The following ACTR3C variants were observed in gnomAD, a reference collection of about 807,000 sequenced individuals.
ACTR3C encodes actin-related protein 3C.
A neutral mutation model predicts 26.3 loss-of-function variants in ACTR3C; 18 were observed. The observed-to-expected ratio is 0.68, with a 90% CI of 0.47 to 1.01. The LOEUF (loss-of-function observed/expected upper bound fraction) is 1.01, where lower values mean the gene tolerates loss of function less well. ACTR3C is among the 50% of genes least tolerant of loss of function. ACTR3C has a pLI of 0.00. For missense variants in ACTR3C, 184 were observed against 250.7 expected, an observed-to-expected ratio of 0.73 and a Z score of 1.80; for synonymous variants, 55 against 94.5, an observed-to-expected ratio of 0.58 and a Z score of 2.42.
At chr7:150,100,244 C>A in the ACTR3C span, among the ~76,000 whole-genome samples, 1 of 151,550 alleles carries the variant, frequency 6.6e-6, no homozygotes, top group African/African-American at 2.4e-5. Flanking sequence ...TCTGCATCAG[C>A]AACCATATAT....
chr7:150,302,333 T>A (rs1459979505), intron 1 of ACTR3C, among the ~76,000 whole-genome samples: 1 of 152,234 alleles, frequency 6.6e-6, no homozygotes, highest in Non-Finnish European at 1.5e-5. Flanking sequence ...GTGCAGAGAC[T>A]AATAAAATTA....
the ACTR3C span, among the ~76,000 whole-genome samples, chr7:150,057,463 TGGG>T: frequency 1.3e-5 from 2 of 152,050 alleles, no homozygotes; most frequent in Admixed American, 6.5e-5. Flanking sequence ...TATTTTTAGC[TGGG>T]GTAGAGACAG....
the ACTR3C span, among the ~76,000 whole-genome samples, chr7:150,135,426 G>A: frequency 5.3e-5 from 8 of 152,192 alleles, no homozygotes; most frequent in Non-Finnish European, 1.0e-4. Context: ...CATGAGGAGC[G>A]CTGCCTAAGG....
At chr7:150,042,092 C>T in the ACTR3C span, among the ~76,000 whole-genome samples, 7 of 95,004 alleles carry the variant, frequency 7.4e-5, no homozygotes, top group African/African-American at 2.2e-4. Context: ...CAGTCCCTGC[C>T]TCGCGGGGGG....
At chr7:150,199,337 G>C in the ACTR3C span, among the ~76,000 whole-genome samples, 2 of 124,128 alleles carry the variant, frequency 1.6e-5, no homozygotes, top group Non-Finnish European at 3.2e-5. Context: ...AACATGTGCT[G>C]TGTCCACTCA....
chr7:149,940,695 A>G, the ACTR3C span, among the ~76,000 whole-genome samples: 1 of 141,992 alleles, frequency 7.0e-6, no homozygotes, highest in Non-Finnish European at 1.6e-5. Context: ...CCTGCAAAAG[A>G]GATGAGCTCA....
the ACTR3C span, among the ~76,000 whole-genome samples, chr7:150,225,004 A>AGTGTGTGTGTGTGT: frequency 4.0e-4 from 55 of 136,286 alleles, no homozygotes; most frequent in African/African-American, 1.2e-3. Flanking sequence ...CACCCCCATT[A>AGTGTGTGTGTGTGT]GTGTGTGTGT....
chr7:150,163,864 G>C, the ACTR3C span, among the ~76,000 whole-genome samples: 1 of 152,000 alleles, frequency 6.6e-6, no homozygotes, highest in African/African-American at 2.4e-5. Flanking sequence ...ATTGGGGAAG[G>C]CTCTCTGCTT....
the ACTR3C span, chr7:150,074,180 T>C: frequency 6.6e-6 from 1 of 152,246 alleles, no homozygotes; most frequent in Non-Finnish European, 1.5e-5. Context: ...CTTCTCTAGG[T>C]CTCAAGTCTA....
At chr7:149,956,777 AG>A in the ACTR3C span, among the ~76,000 whole-genome samples, 1 of 152,142 alleles carries the variant, frequency 6.6e-6, no homozygotes, top group East Asian at 1.9e-4. Flanking sequence ...AGAGCGATGT[AG>A]GGGCTGGATA....
the ACTR3C span, among the ~76,000 whole-genome samples, chr7:150,111,618 CCACT>C: frequency 9.5e-6 from 1 of 105,578 alleles, no homozygotes; most frequent in Non-Finnish European, 1.9e-5. Flanking sequence ...ACCCACCCAC[CCACT>C]CACAGTCACA....
At chr7:150,123,048 A>G in the ACTR3C span, among the ~76,000 whole-genome samples, 64,557 of 143,400 alleles carry the variant, frequency 0.45, 15,154 homozygotes, top group African/African-American at 0.58. Context: ...GAACAAATGG[A>G]CACAGTGAGG....
chr7:150,069,859 C>A, the ACTR3C span, among the ~76,000 whole-genome samples: 1 of 149,874 alleles, frequency 6.7e-6, no homozygotes, highest in Non-Finnish European at 1.5e-5. Context: ...GGCAGCAGAT[C>A]AGGCTGTGTG....
chr7:149,972,587 C>T, the ACTR3C span, among the ~76,000 whole-genome samples: 3 of 152,264 alleles, frequency 2.0e-5, no homozygotes, highest in East Asian at 1.9e-4. Context: ...CCCCTGCTCC[C>T]GCTCTCCACC....
the ACTR3C span, among the ~76,000 whole-genome samples, chr7:149,967,599 G>A: frequency 2.6e-5 from 4 of 152,236 alleles, no homozygotes; most frequent in Admixed American, 2.6e-4. Flanking sequence ...GTTTTGATAT[G>A]AACCATTCCT....
intron 5 of ACTR3C, among the ~76,000 whole-genome samples, chr7:150,285,379 A>G (rs1268293631): frequency 1.3e-5 from 2 of 152,234 alleles, no homozygotes; most frequent in African/African-American, 4.8e-5. Flanking sequence ...ACAGCCATAG[A>G]TTCAATTCCA....
the ACTR3C span, among the ~76,000 whole-genome samples, chr7:149,985,055 C>G: frequency 6.6e-6 from 1 of 152,148 alleles, no homozygotes; most frequent in Admixed American, 6.5e-5. Context: ...CAATTCCAAT[C>G]TAAGAGTTAG....
At chr7:149,968,817 A>T in the ACTR3C span, among the ~76,000 whole-genome samples, 1 of 152,172 alleles carries the variant, frequency 6.6e-6, no homozygotes, top group Non-Finnish European at 1.5e-5. Flanking sequence ...GTGGCAAGTC[A>T]TGCATGGGGC....
At chr7:150,151,086 T>G in the ACTR3C span, among the ~76,000 whole-genome samples, 1 of 109,588 alleles carries the variant, frequency 9.1e-6, no homozygotes, top group African/African-American at 3.3e-5. Flanking sequence ...TTGGCTTTTA[T>G]TGCTTTTATT....
Sources: gnomAD v4.1 joint callset for allele counts (sites outside exome capture counted in the v4.1 genomes callset) on GRCh38, gnomAD v4.1.1 for gene constraint, MANE v1.5 for transcripts, NCBI Gene and HGNC (gene_info 2026-07-23, HGNC 2026-07-21) for gene names.